Variants in CELF2 observed in about 807,000 individuals in gnomAD.
CELF2 encodes CUG triplet repeat RNA-binding protein 2.
Under a neutral mutation model 62.6 loss-of-function variants are expected in CELF2, and 8 were observed. The ratio of observed to expected loss-of-function variants is 0.13; its 90% confidence interval spans 0.07 to 0.23. The LOEUF (loss-of-function observed/expected upper bound fraction) is 0.23. Among genes scored for constraint, CELF2 ranks in the 10% least tolerant of loss-of-function variants. CELF2 has a pLI of 1.00. For missense variants in CELF2, 333 were observed against 671.0 expected (o/e 0.50, Z 5.56); for synonymous variants, 258 against 250.0 (o/e 1.03, Z -0.30).
Position 11,333,493 on chromosome 10 carries a change from T to C in CELF2, c.*4440T>C, listed in dbSNP as rs2096066477. 1 of 152,456 alleles carries C rather than the reference T, an allele frequency of 6.6e-6. No individual in the cohort carries two copies. Among genetic ancestry groups the C allele is most frequent in the Non-Finnish European group, 1.5e-5 (1 of 68,036 alleles). 9.4% of individuals were successfully genotyped at this position (152,456 alleles called of 1,614,324 possible). On this transcript the variant is annotated 3_prime_UTR_variant, in exon 13 of 13. Transcript: ENST00000633077. Reference sequence around the variant, plus strand: ...CATAGGGGTTATAGTTGGCTTGTGCTACTCTGGAATCATTTTACTGTTTGT... The same window carrying C: ...CATAGGGGTTATAGTTGGCTTGTGCCACTCTGGAATCATTTTACTGTTTGT...
At chr10:10,685,964 T>G in the CELF2 span, among the ~76,000 whole-genome samples, 3 of 152,160 alleles carry the variant, frequency 2.0e-5, no homozygotes, top group Non-Finnish European at 4.4e-5. Context: ...AGAATGGTCA[T>G]GGTGGCCTGG....
the CELF2 span, among the ~76,000 whole-genome samples, chr10:10,708,107 A>G: frequency 5.3e-5 from 8 of 152,216 alleles, no homozygotes. Flanking sequence ...AAAACACCAC[A>G]TATTTGAGGC....
the CELF2 span, among the ~76,000 whole-genome samples, chr10:10,630,335 T>C: frequency 1.1e-4 from 16 of 152,178 alleles, no homozygotes; most frequent in Admixed American, 6.5e-5. Context: ...TTACTGACTT[T>C]TTCTTTTCTT....
the CELF2 span, among the ~76,000 whole-genome samples, chr10:10,687,106 G>GT: frequency 6.6e-6 from 1 of 152,112 alleles, no homozygotes; most frequent in African/African-American, 2.4e-5. Flanking sequence ...CTGTGGTGCC[G>GT]TTTTTTCATT....
chr10:10,757,213 T>G, the CELF2 span, among the ~76,000 whole-genome samples: 1 of 152,116 alleles, frequency 6.6e-6, no homozygotes, highest in Non-Finnish European at 1.5e-5. Flanking sequence ...ATCTCAGTAC[T>G]TTGGGAGGTC....
chr10:11,252,484 T>C (rs1309854273), intron 4 of CELF2, among the ~76,000 whole-genome samples: 1 of 152,240 alleles, frequency 6.6e-6, no homozygotes, highest in Non-Finnish European at 1.5e-5. Flanking sequence ...ATGGATTAAT[T>C]CATGATGGAC....
At chr10:10,704,186 A>G in the CELF2 span, among the ~76,000 whole-genome samples, 2 of 152,196 alleles carry the variant, frequency 1.3e-5, no homozygotes, top group Non-Finnish European at 2.9e-5. Flanking sequence ...CATTATCTTT[A>G]TGAAACAAGC....
intron 10 of CELF2, chr10:11,320,929 G>C: frequency 6.5e-7 from 1 of 1,547,962 alleles, no homozygotes; most frequent in Non-Finnish European, 8.7e-7. Context: ...GCATGGCATT[G>C]AGCTGTCTCG....
chr10:10,791,790 A>G, the CELF2 span, among the ~76,000 whole-genome samples: 8 of 152,214 alleles, frequency 5.3e-5, no homozygotes. Context: ...CTTAGGAGTA[A>G]GAATTTGGAA....
At chr10:10,702,806 G>A in the CELF2 span, among the ~76,000 whole-genome samples, 2 of 152,122 alleles carry the variant, frequency 1.3e-5, no homozygotes, top group African/African-American at 2.4e-5. Context: ...CACTGGTCTC[G>A]AACTCCTGAC....
chr10:10,886,746 G>A (rs998085676), intron 1 of CELF2, among the ~76,000 whole-genome samples: 3 of 152,190 alleles, frequency 2.0e-5, no homozygotes, highest in African/African-American at 7.2e-5. Flanking sequence ...TGAGGTGAGA[G>A]GATTTCTTGA....
the CELF2 span, among the ~76,000 whole-genome samples, chr10:10,623,897 G>A: frequency 0.035 from 5,290 of 152,232 alleles, 202 homozygotes; most frequent in African/African-American, 0.098. Context: ...CCAATGAGTT[G>A]AACTGGTGAG....
the CELF2 span, among the ~76,000 whole-genome samples, chr10:10,482,006 C>A: frequency 6.6e-6 from 1 of 152,162 alleles, no homozygotes; most frequent in African/African-American, 2.4e-5. Context: ...ACTTAAGGAT[C>A]ATTTTCCTAT....
Position 11,156,412 on chromosome 10 carries a change from G to A in CELF2, c.75-9074G>A, listed in dbSNP as rs1341673310. Among the ~76,000 whole-genome samples, 1 of 152,072 alleles carries A rather than the reference G, an allele frequency of 6.6e-6. No homozygotes were observed. Among genetic ancestry groups the A allele is most frequent in the Non-Finnish European group, 1.5e-5 (1 of 68,012 alleles). ...CTGAGACCATCCTCACCGTCCAGAC[G>A]AGGCCTTCCCTGACCACCTTATTTA... On this transcript the variant is annotated intron_variant, in intron 1 of 12. Transcript: ENST00000633077. This position sits in a 1 kb window ranked among gnomAD's most constrained non-coding sequence, Gnocchi z 4.3.
intron 1 of CELF2, among the ~76,000 whole-genome samples, chr10:11,130,738 T>C (rs2059495656): frequency 6.6e-6 from 1 of 152,222 alleles, no homozygotes; most frequent in Non-Finnish European, 1.5e-5. Flanking sequence ...TGCCAATAAT[T>C]GTTGGGTAAG....
chr10:10,660,344 T>G, the CELF2 span, among the ~76,000 whole-genome samples: 1 of 152,212 alleles, frequency 6.6e-6, no homozygotes, highest in Non-Finnish European at 1.5e-5. Flanking sequence ...ATTGCCCAAG[T>G]GATAGTGTGT....
chr10:10,823,330 C>A (rs890192356), intron 1 of CELF2, among the ~76,000 whole-genome samples: 5 of 152,160 alleles, frequency 3.3e-5, no homozygotes, highest in Admixed American at 1.3e-4. Flanking sequence ...GTTGCTGGGT[C>A]TGCATTTGCA....
intron 2 of CELF2, among the ~76,000 whole-genome samples, chr10:10,969,225 C>G (rs1592552004): frequency 6.6e-6 from 1 of 152,112 alleles, no homozygotes; most frequent in East Asian, 1.9e-4. Context: ...CCATTGCACT[C>G]CAGCCTGGGC....
chr10:10,798,618 G>C, upstream of CELF2: 1 of 397,318 alleles, frequency 2.5e-6, no homozygotes, highest in East Asian at 3.6e-5. Context: ...GGGGTGGAGA[G>C]AAGTCAGGAA....
Sources: allele counts gnomAD v4.1 joint callset (sites outside exome capture counted in the v4.1 genomes callset), GRCh38; gene constraint gnomAD v4.1.1; non-coding constraint Gnocchi (gnomAD v3.1); transcripts MANE v1.5; gene names NCBI Gene and HGNC (gene_info 2026-07-23, HGNC 2026-07-21).